The following GRM4 variants were observed in gnomAD, a reference collection of about 807,000 sequenced individuals.
GRM4 encodes metabotropic glutamate receptor 4.
A neutral mutation model predicts 81.7 loss-of-function variants in GRM4; 28 were observed. The ratio of observed to expected loss-of-function variants is 0.34; its 90% confidence interval spans 0.25 to 0.47. The LOEUF (loss-of-function observed/expected upper bound fraction) is 0.47. Among genes scored for constraint, GRM4 ranks in the 20% least tolerant of loss-of-function variants. The pLI is 1.00. For missense variants in GRM4, 948 were observed against 1,290.0 expected (o/e 0.73, Z 4.06); for synonymous variants, 488 against 528.8 (o/e 0.92, Z 1.06).
intron 2 of GRM4, among the ~76,000 whole-genome samples, chr6:34,131,822 CTT>C (rs1334990499): frequency 6.6e-6 from 1 of 152,172 alleles, no homozygotes; most frequent in African/African-American, 2.4e-5. Flanking sequence ...GCCCTGGAGA[CTT>C]TGGGGAGACA....
intron 3 of GRM4, among the ~76,000 whole-genome samples, chr6:34,073,838 C>CTCACACCCCTCACACTGCTTGGG (rs1767164693): frequency 6.6e-6 from 1 of 152,160 alleles, no homozygotes; most frequent in African/African-American, 2.4e-5. Flanking sequence ...CTGGCAGAAG[C>CTCACACCCCTCACACTGCTTGGG]TCACACCCCT....
At chr6:34,138,106 A>C (rs1365497130) in intron 1 of GRM4, among the ~76,000 whole-genome samples, 1 of 152,216 alleles carries the variant, frequency 6.6e-6, no homozygotes, top group Non-Finnish European at 1.5e-5. Flanking sequence ...AACAAAACCC[A>C]AACACCAGAA....
Position 34,036,261 on chromosome 6 carries a change from T to C in GRM4, c.1849A>G (p.Ile617Val), listed in dbSNP as rs1265873366. ...ITFVRYNDTPIVKASGRELSY... is the reference protein window; with the variant it reads ...ITFVRYNDTPVVKASGRELSY... ...AGTTCACGGCCCGAGGCCTTGACGA[T>C]GGGCGTGTCGTTGTAGCGCACAAAG... The change falls in exon 9 of 11, where the codon ATC (isoleucine) becomes GTC (valine). Residue 617 changes from isoleucine to valine, a missense_variant. Coordinates refer to ENST00000538487, the MANE Select transcript of GRM4 (RefSeq NM_000841.4). This position sits in a 1 kb window ranked among gnomAD's most constrained non-coding sequence, Gnocchi z 9.0. 2 of 1,613,992 alleles carry C rather than the reference T, an allele frequency of 1.2e-6. No homozygotes were observed. Among genetic ancestry groups the C allele is most frequent in the Admixed American group, 1.7e-5 (1 of 60,000 alleles).
At position 34,028,289 on chromosome 6, in the gene GRM4, G is replaced by C; in HGVS notation, c.2520C>G (p.Pro840=). 6.2e-7 allele frequency: 1 copy of C among 1,613,948 alleles called. No individual in the cohort carries two copies. The highest frequency in any genetic ancestry group is 8.5e-7 in the Non-Finnish European group (1 of 1,180,008). ...GGTGGAAGAGGATGATGTAGACTTT[G>C]GGCATGTAGAGCATTCCCAGGGACA... ...ASVSLGMLYM[P]KVYIILFHPE... Residue 840 remains proline, a synonymous_variant, in exon 10 of 11, where the codon CCC becomes CCG. Transcript: ENST00000538487.
intron 1 of GRM4, among the ~76,000 whole-genome samples, 186 bp downstream of exon 1, chr6:34,145,814 G>C (rs1770907278): frequency 6.6e-6 from 1 of 152,160 alleles, no homozygotes; most frequent in Non-Finnish European, 1.5e-5. Context: ...GCCTTTTAAA[G>C]AGAGAGCACC....
intron 2 of GRM4, among the ~76,000 whole-genome samples, chr6:34,128,379 C>CTTT (rs547672333): frequency 1.5e-5 from 2 of 132,802 alleles, no homozygotes; most frequent in Non-Finnish European, 3.2e-5. Flanking sequence ...TTTTTCTTTT[C>CTTT]TTTTTTTTTT....
At chr6:34,126,638 A>C (rs1481093215) in intron 2 of GRM4, among the ~76,000 whole-genome samples, 1 of 152,196 alleles carries the variant, frequency 6.6e-6, no homozygotes, top group Non-Finnish European at 1.5e-5. Context: ...ACCCAATGGT[A>C]AGGTAGGTCC....
Position 34,090,031 on chromosome 6 carries a change from G to T in GRM4, c.736+1852C>A, listed in dbSNP as rs577139649. Reference sequence around the variant, plus strand: ...ATCCCTTCTCCACCTCTTACTTGCTGTGTGGCCTGGTGCTAGCTATTATTC... The same window carrying T: ...ATCCCTTCTCCACCTCTTACTTGCTTTGTGGCCTGGTGCTAGCTATTATTC... On this transcript the variant is annotated intron_variant, in intron 3 of 10. Transcript: ENST00000538487. This position sits in a 1 kb window ranked among gnomAD's most constrained non-coding sequence, Gnocchi z 5.2. 5.3e-5 allele frequency among the ~76,000 whole-genome samples: 8 copies of T among 152,326 alleles called. No homozygotes were observed. The South Asian group carries it at 1.5e-3, about 28-fold the overall frequency.
In GRM4 at chr6:34,090,187, G is replaced by A. The variant is rs1232593396; in HGVS notation, c.736+1696C>T. Among the ~76,000 whole-genome samples, 1 of 152,186 alleles carries A rather than the reference G, an allele frequency of 6.6e-6. No individual in the cohort carries two copies. Among genetic ancestry groups the A allele is most frequent in the African/African-American group, 2.4e-5 (1 of 41,442 alleles). On this transcript the variant is annotated intron_variant, in intron 3 of 10. Coordinates refer to ENST00000538487, the MANE Select transcript of GRM4 (RefSeq NM_000841.4). The surrounding 1 kb of genome is among the most constrained non-coding windows in gnomAD (Gnocchi z 5.2). ...GGAGGCCTGCATGAGCACTGGGGGT[G>A]GCTTTGAGGTCCCTCAGGGCAGGGA...
chr6:34,034,646 T>C lies in GRM4; in HGVS notation c.2442+1022A>G, dbSNP rs937878662. On this transcript the variant is annotated intron_variant, in intron 9 of 10. Transcript: ENST00000538487. This position sits in a 1 kb window ranked among gnomAD's most constrained non-coding sequence, Gnocchi z 4.0. ...TCAGCTCCACACTCCTTACAGTGTA[T>C]TAACTGTTTGTGCACCCACTGTGTC... Among the ~76,000 whole-genome samples the C allele has an allele frequency of 3.9e-5, 6 of 152,230 alleles. No individual in the cohort carries two copies. The highest frequency in any genetic ancestry group is 8.8e-5 in the Non-Finnish European group (6 of 68,042).
At chr6:34,131,643 C>A (rs1258395834) in intron 2 of GRM4, among the ~76,000 whole-genome samples, 2 of 152,196 alleles carry the variant, frequency 1.3e-5, no homozygotes, top group African/African-American at 4.8e-5. Flanking sequence ...TGGGACCATC[C>A]TTTCCCTTCA....
chr6:34,025,622 G>A lies in GRM4; in HGVS notation c.2689+2498C>T, dbSNP rs922567358. 3.3e-5 allele frequency among the ~76,000 whole-genome samples: 5 copies of A among 152,172 alleles called. No individual in the cohort carries two copies. In the East Asian group the frequency reaches 7.7e-4, roughly 23 times the overall value. ...GCCTCAGTCTCACCATCTGGAAAAT[G>A]GGAGCCGTGAGTCTGCCCAGGGCCC... is the stretch of plus-strand genomic sequence containing the variant. On this transcript the variant is annotated intron_variant, in intron 10 of 10. Transcript: ENST00000538487.
intron 1 of GRM4, among the ~76,000 whole-genome samples, chr6:34,142,306 T>G (rs1455915000): frequency 6.6e-6 from 1 of 152,064 alleles, no homozygotes; most frequent in Non-Finnish European, 1.5e-5. Context: ...TGAGATAACC[T>G]GCCAGCCAAC....
chr6:34,035,897 C>T lies in GRM4; in HGVS notation c.2213G>A (p.Arg738His), dbSNP rs376811138. Residue 738 changes from arginine to histidine, a missense_variant, in exon 9 of 11, where the codon CGC becomes CAC. Physicochemically the swap from Arg to His is conservative, Grantham distance 29 (BLOSUM62 0). Transcript: ENST00000538487. The surrounding 1 kb of genome is among the most constrained non-coding windows in gnomAD (Gnocchi z 6.6). ...ACACTTGAGCACACCCCTGGCGAAGCGGGGGTCGAGTGTCCGCTGGTCCTG... is the reference window on the plus strand; with the variant it reads ...ACACTTGAGCACACCCCTGGCGAAGTGGGGGTCGAGTGTCCGCTGGTCCTG... ...DFQDQRTLDP[R>H]FARGVLKCDI... The T allele has an allele frequency of 3.1e-6, 5 of 1,607,622 alleles. No individual in the cohort carries two copies. The highest frequency in any genetic ancestry group is 3.4e-6 in the Non-Finnish European group (4 of 1,174,890).
At chr6:34,033,479 C>G (rs1291553278) in intron 9 of GRM4, among the ~76,000 whole-genome samples, 3 of 152,132 alleles carry the variant, frequency 2.0e-5, no homozygotes, top group Non-Finnish European at 4.4e-5. Flanking sequence ...GTCACTCCCC[C>G]TCTCTGTGCC....
At chr6:34,147,026 C>A (rs1279603207), upstream of GRM4, among the ~76,000 whole-genome samples, 2 of 152,186 alleles carry the variant, frequency 1.3e-5, no homozygotes, top group African/African-American at 4.8e-5. Flanking sequence ...GGCCATGGAG[C>A]CTGGCACCAT....
rs1012013260 is a variant in GRM4 at position 34,130,592 on chromosome 6, C to A, written c.519+2386G>T. On this transcript the variant is annotated intron_variant, in intron 2 of 10. Transcript: ENST00000538487. This position sits in a 1 kb window ranked among gnomAD's most constrained non-coding sequence, Gnocchi z 4.1. ...TAGCACAGCAGCTGCAGCCCACTCCCCTGTCTGGGGCACTGAGCGTCTCAT... is the reference window on the plus strand; with the variant it reads ...TAGCACAGCAGCTGCAGCCCACTCCACTGTCTGGGGCACTGAGCGTCTCAT... Among the ~76,000 whole-genome samples the A allele has an allele frequency of 3.9e-5, 6 of 152,252 alleles. No individual in the cohort carries two copies. Among genetic ancestry groups the A allele is most frequent in the Admixed American group, 3.9e-4 (6 of 15,294 alleles).
At position 34,069,647 on chromosome 6, in the gene GRM4, AGTGTGTGT is replaced by A. The variant is rs3222082; in HGVS notation, c.737-7627_737-7620del. 4.3e-3 allele frequency among the ~76,000 whole-genome samples: 619 copies of A among 144,490 alleles called. 3 individuals carry two copies. Among genetic ancestry groups the A allele is most frequent in the African/African-American group, 9.9e-3 (399 of 40,480 alleles). The allele number at this position is 144,490 out of a possible 152,430, so 94.8% of individuals were successfully genotyped here. ...GGCTTTACAACCCTTGGCAGCCCCC[AGTGTGTGT>A]GTGTGTGTGTGTGTGTGTGTGTGTG... On this transcript the variant is annotated intron_variant, in intron 3 of 10. Transcript: ENST00000538487. The surrounding 1 kb of genome is among the most constrained non-coding windows in gnomAD (Gnocchi z 6.4).
At chr6:34,079,414 A>T (rs1209057672) in intron 3 of GRM4, among the ~76,000 whole-genome samples, 1 of 152,180 alleles carries the variant, frequency 6.6e-6, no homozygotes, top group Non-Finnish European at 1.5e-5. Flanking sequence ...GAGACACAAG[A>T]GATTTTTGGA....
Sources: allele counts gnomAD v4.1 joint callset (sites outside exome capture counted in the v4.1 genomes callset), GRCh38; gene constraint gnomAD v4.1.1; non-coding constraint Gnocchi (gnomAD v3.1); transcripts MANE v1.5; gene names NCBI Gene and HGNC (gene_info 2026-07-23, HGNC 2026-07-21).